The following SLC16A12 variants were observed in gnomAD, a reference collection of about 807,000 sequenced individuals.
The protein encoded by SLC16A12 is monocarboxylate transporter 12.
Under a neutral mutation model 42.4 loss-of-function variants are expected in SLC16A12, and 17 were observed. That is an observed-to-expected ratio of 0.40 (90% CI 0.27 to 0.60). The LOEUF (loss-of-function observed/expected upper bound fraction) is 0.60, where lower values mean the gene tolerates loss of function less well. Among genes scored for constraint, SLC16A12 ranks in the 20% least tolerant of loss-of-function variants. SLC16A12 has a pLI of 0.42. For missense variants in SLC16A12, 544 were observed against 623.0 expected (o/e 0.87, Z 1.35); for synonymous variants, 224 against 229.4 (o/e 0.98, Z 0.21).
intron 1 of SLC16A12, among the ~76,000 whole-genome samples, chr10:89,534,917 G>A (rs2133876604): frequency 6.6e-6 from 1 of 152,118 alleles, no homozygotes; most frequent in Admixed American, 6.5e-5. Flanking sequence ...CTGAAATTGT[G>A]CTTCAAAATT....
At chr10:89,519,575 A>C (rs1843315427) in intron 2 of SLC16A12, among the ~76,000 whole-genome samples, 1 of 152,058 alleles carries the variant, frequency 6.6e-6, no homozygotes, top group African/African-American at 2.4e-5. Context: ...GCCTCTTGAG[A>C]GGGAACTCAC....
intron 2 of SLC16A12, among the ~76,000 whole-genome samples, chr10:89,506,328 G>C (rs1459227313): frequency 6.6e-6 from 1 of 152,168 alleles, no homozygotes; most frequent in Non-Finnish European, 1.5e-5. Flanking sequence ...GGAGAGCTCT[G>C]GCTGGCATCT....
intron 2 of SLC16A12, among the ~76,000 whole-genome samples, chr10:89,555,152 T>C (rs914395273): frequency 6.6e-6 from 1 of 152,036 alleles, no homozygotes; most frequent in African/African-American, 2.4e-5. Context: ...CAAAGCAAAT[T>C]AGTATTTAAG....
At chr10:89,451,656 C>T (rs1327826575) in intron 3 of SLC16A12, among the ~76,000 whole-genome samples, 2 of 152,084 alleles carry the variant, frequency 1.3e-5, no homozygotes, top group African/African-American at 2.4e-5. Context: ...AGGTGATCTG[C>T]CCACCTCGGC....
chr10:89,497,762 T>C (rs961823416), intron 2 of SLC16A12, among the ~76,000 whole-genome samples: 2 of 152,120 alleles, frequency 1.3e-5, no homozygotes, highest in African/African-American at 4.8e-5. Flanking sequence ...CAACATGATT[T>C]CATTAAGGCC....
At chr10:89,444,071 A>G (rs1042962254) in intron 3 of SLC16A12, among the ~76,000 whole-genome samples, 2 of 152,246 alleles carry the variant, frequency 1.3e-5, no homozygotes, top group Admixed American at 6.5e-5. Flanking sequence ...ACTAAAGCCA[A>G]GTAGATGTGA....
intron 2 of SLC16A12, among the ~76,000 whole-genome samples, chr10:89,519,773 G>A (rs1843321160): frequency 6.6e-6 from 1 of 152,158 alleles, no homozygotes; most frequent in African/African-American, 2.4e-5. Flanking sequence ...CATGTCAACA[G>A]AATGACTCAG....
At chr10:89,457,270 C>A (rs1473490965) in intron 3 of SLC16A12, among the ~76,000 whole-genome samples, 1 of 151,936 alleles carries the variant, frequency 6.6e-6, no homozygotes, top group African/African-American at 2.4e-5. Flanking sequence ...GGAACTTAAA[C>A]AAACTTACAA....
At chr10:89,535,698 T>A (rs1394792468), upstream of SLC16A12, 2 of 151,782 alleles carry the variant, frequency 1.3e-5, no homozygotes, top group Non-Finnish European at 2.9e-5. Flanking sequence ...CCGGGACCAC[T>A]GCAGCCCTGG....
intron 2 of SLC16A12, among the ~76,000 whole-genome samples, chr10:89,474,621 C>T (rs1842548529): frequency 6.6e-6 from 1 of 151,822 alleles, no homozygotes; most frequent in African/African-American, 2.4e-5. Context: ...TCTCTCTAAA[C>T]AGCGCACACC....
chr10:89,545,966 G>T (rs534456793), intron 2 of SLC16A12, among the ~76,000 whole-genome samples: 1 of 152,280 alleles, frequency 6.6e-6, no homozygotes, highest in South Asian at 2.1e-4. Flanking sequence ...AGTAAATGGT[G>T]CTGGGAAAAC....
Position 89,430,613 on chromosome 10 carries a change from G to T in SLC16A12, c.*2451C>A. ...CATGGAACATTAACACTAAAATTCT[G>T]TGTAGAAATGTAAAATAGTAGACCT... On this transcript the variant is annotated 3_prime_UTR_variant, in exon 8 of 8. Coordinates refer to ENST00000371790, the MANE Select transcript of SLC16A12 (RefSeq NM_213606.4). 2.2e-6 allele frequency: 1 copy of T among 461,972 alleles called. No individual in the cohort carries two copies. Among genetic ancestry groups the T allele is most frequent in the South Asian group, 1.6e-5 (1 of 61,646 alleles). The allele number at this position is 461,972 out of a possible 1,614,324, so 28.6% of individuals were successfully genotyped here. A position where few individuals can be genotyped will look rare whatever the true frequency, so the allele number is the denominator to read the frequency against.
At chr10:89,447,201 G>C (rs954702592) in intron 3 of SLC16A12, among the ~76,000 whole-genome samples, 2 of 152,138 alleles carry the variant, frequency 1.3e-5, no homozygotes, top group Non-Finnish European at 2.9e-5. Context: ...AGATCAACGA[G>C]ACAGAAGGTT....
chr10:89,511,311 C>G (rs902561342), intron 2 of SLC16A12, among the ~76,000 whole-genome samples: 2 of 152,198 alleles, frequency 1.3e-5, no homozygotes, highest in Admixed American at 6.5e-5. Context: ...TTCACAATAG[C>G]AAAGTCTTGA....
intron 2 of SLC16A12, among the ~76,000 whole-genome samples, chr10:89,486,917 T>C (rs1229532800): frequency 6.6e-6 from 1 of 152,192 alleles, no homozygotes; most frequent in African/African-American, 2.4e-5. Context: ...AAGCAACAGA[T>C]ACAGTGTTCA....
chr10:89,457,767 A>G (rs1226074379), intron 3 of SLC16A12, among the ~76,000 whole-genome samples: 1 of 152,234 alleles, frequency 6.6e-6, no homozygotes, highest in Non-Finnish European at 1.5e-5. Context: ...TGCTTTAGCT[A>G]CTATTTCTTT....
chr10:89,499,492 T>C (rs1270269738), intron 2 of SLC16A12, among the ~76,000 whole-genome samples: 1 of 152,182 alleles, frequency 6.6e-6, no homozygotes, highest in Admixed American at 6.5e-5. Flanking sequence ...AGGTGGAGGT[T>C]ACGGTGAGCC....
At chr10:89,499,367 C>G (rs1589708548) in intron 2 of SLC16A12, among the ~76,000 whole-genome samples, 1 of 152,062 alleles carries the variant, frequency 6.6e-6, no homozygotes, top group African/African-American at 2.4e-5. Flanking sequence ...CCAGCCTGAC[C>G]AACATGGAGA....
upstream of SLC16A12, among the ~76,000 whole-genome samples, chr10:89,538,018 C>T (rs189129425): frequency 7.2e-5 from 11 of 152,288 alleles, no homozygotes; most frequent in East Asian, 1.7e-3. Flanking sequence ...CGGATACAGA[C>T]GGGTCACTTC....
Sources: gnomAD v4.1 joint callset for allele counts (sites outside exome capture counted in the v4.1 genomes callset) on GRCh38, gnomAD v4.1.1 for gene constraint, MANE v1.5 for transcripts, NCBI Gene and HGNC (gene_info 2026-07-23, HGNC 2026-07-21) for gene names.